Variants in FGF12 observed in about 807,000 individuals in gnomAD.
The protein encoded by FGF12 is fibroblast growth factor 12B.
Under a neutral mutation model 23.6 loss-of-function variants are expected in FGF12, and 14 were observed. The ratio of observed to expected loss-of-function variants is 0.59; its 90% CI spans 0.39 to 0.93. FGF12 has a LOEUF of 0.93. Ranked by LOEUF, FGF12 falls within the 40% of genes least tolerant of loss-of-function variation. The pLI, the probability that FGF12 is intolerant of heterozygous loss-of-function variation, is 0.00. For synonymous variants in FGF12, 62 were observed against 77.3 expected (o/e 0.80, Z 1.04); for missense variants, 175 against 217.8 (o/e 0.80, Z 1.24).
chr3:192,196,153 C>T (rs140339889), intron 4 of FGF12, among the ~76,000 whole-genome samples: 150 of 152,124 alleles, frequency 9.9e-4, no homozygotes, highest in Non-Finnish European at 1.8e-3. Context: ...AATATAATAT[C>T]CTCCAGTTTC....
At chr3:192,602,324 G>A (rs192975422) in intron 2 of FGF12, among the ~76,000 whole-genome samples, 38 of 152,178 alleles carry the variant, frequency 2.5e-4, no homozygotes, top group African/African-American at 8.7e-4. Flanking sequence ...TACTAAAGAG[G>A]ACAGATTACA....
chr3:192,475,328 G>A (rs73070230), intron 2 of FGF12, among the ~76,000 whole-genome samples: 38,881 of 151,976 alleles, frequency 0.26, 9,160 homozygotes, highest in African/African-American at 0.63. Flanking sequence ...CAGAGCTTCC[G>A]CCCATATCCA....
At chr3:192,440,037 G>A (rs1352455260) in intron 2 of FGF12, among the ~76,000 whole-genome samples, 2 of 151,388 alleles carry the variant, frequency 1.3e-5, no homozygotes, top group Non-Finnish European at 2.9e-5. Flanking sequence ...TATGGAAGAA[G>A]TAAATGTTGA....
intron 5 of FGF12, among the ~76,000 whole-genome samples, chr3:192,159,714 T>C (rs1030737321): frequency 1.3e-5 from 2 of 152,200 alleles, no homozygotes; most frequent in African/African-American, 2.4e-5. Flanking sequence ...CTTCAGTGAA[T>C]CTTTCGTAAT....
At chr3:192,474,897 A>AAAAAAG (rs60312309) in intron 2 of FGF12, among the ~76,000 whole-genome samples, 5,584 of 149,062 alleles carry the variant, frequency 0.037, 424 homozygotes, top group African/African-American at 0.13. Context: ...AAAAAAAAAA[A>AAAAAAG]AAAGAAAGAA....
At chr3:192,420,068 T>C (rs1490197900) in intron 2 of FGF12, among the ~76,000 whole-genome samples, 1 of 152,114 alleles carries the variant, frequency 6.6e-6, no homozygotes, top group African/African-American at 2.4e-5. Context: ...AAAACTACAG[T>C]GGATTCTATG....
intron 2 of FGF12, among the ~76,000 whole-genome samples, chr3:192,585,459 G>C (rs545850669): frequency 6.6e-6 from 1 of 152,214 alleles, no homozygotes; most frequent in South Asian, 2.1e-4. Context: ...GGCACAACCT[G>C]GTGGCAAGTT....
At chr3:192,662,133 G>A (rs963495833) in intron 2 of FGF12, among the ~76,000 whole-genome samples, 1 of 152,174 alleles carries the variant, frequency 6.6e-6, no homozygotes, top group Admixed American at 6.5e-5. Flanking sequence ...AAAAGGAAAG[G>A]TAAGAGAAAG....
chr3:192,620,673 A>G (rs1714940622), intron 2 of FGF12, among the ~76,000 whole-genome samples: 1 of 152,064 alleles, frequency 6.6e-6, no homozygotes, highest in African/African-American at 2.4e-5. Flanking sequence ...TATTTTCTTT[A>G]TGAGGTCTAT....
intron 4 of FGF12, among the ~76,000 whole-genome samples, chr3:192,236,943 A>T (rs1719332502): frequency 6.6e-6 from 1 of 152,024 alleles, no homozygotes; most frequent in Non-Finnish European, 1.5e-5. Flanking sequence ...GGCTATGTAC[A>T]TATGTGTGTT....
At chr3:192,301,403 G>A (rs994997693) in intron 4 of FGF12, among the ~76,000 whole-genome samples, 1 of 152,188 alleles carries the variant, frequency 6.6e-6, no homozygotes, top group East Asian at 1.9e-4. Context: ...CATCCAGTAA[G>A]TAAAAATGTA....
At chr3:192,616,183 T>C (rs1472266094) in intron 2 of FGF12, among the ~76,000 whole-genome samples, 1 of 152,092 alleles carries the variant, frequency 6.6e-6, no homozygotes, top group African/African-American at 2.4e-5. Context: ...ATTGGAATCA[T>C]TGGCAAAGAA....
intron 2 of FGF12, among the ~76,000 whole-genome samples, chr3:192,587,419 A>C (rs781425): frequency 0.22 from 33,948 of 151,778 alleles, 5,106 homozygotes; most frequent in East Asian, 0.34. Context: ...GAACAGCAGA[A>C]TATGGATATA....
chr3:192,655,859 AT>A (rs1300125827), intron 2 of FGF12, among the ~76,000 whole-genome samples: 1 of 151,960 alleles, frequency 6.6e-6, no homozygotes, highest in East Asian at 1.9e-4. Context: ...TGCAATAGAG[AT>A]GGGGGAATGG....
At chr3:192,261,578 G>A (rs138641425) in intron 4 of FGF12, among the ~76,000 whole-genome samples, 1 of 152,338 alleles carries the variant, frequency 6.6e-6, no homozygotes, top group African/African-American at 2.4e-5. Flanking sequence ...CTGTGGAGAT[G>A]TCATGGCTCC....
At chr3:192,305,295 T>C (rs1302888049) in intron 4 of FGF12, among the ~76,000 whole-genome samples, 2 of 152,172 alleles carry the variant, frequency 1.3e-5, no homozygotes, top group African/African-American at 4.8e-5. Flanking sequence ...AAAAATGGAA[T>C]TTTAACAGGC....
intron 2 of FGF12, among the ~76,000 whole-genome samples, chr3:192,365,799 G>A (rs559529334): frequency 7.2e-5 from 11 of 151,882 alleles, no homozygotes; most frequent in Non-Finnish European, 1.0e-4. Context: ...CGTTCCTGCC[G>A]GCTTGACAGT....
chr3:192,604,301 G>A (rs1235285280), intron 2 of FGF12, among the ~76,000 whole-genome samples: 1 of 152,124 alleles, frequency 6.6e-6, no homozygotes, highest in African/African-American at 2.4e-5. Context: ...TGGTCCTGAG[G>A]TGACGTACAT....
intron 4 of FGF12, among the ~76,000 whole-genome samples, chr3:192,190,595 C>T (rs1042456116): frequency 2.7e-5 from 4 of 150,902 alleles, no homozygotes; most frequent in Non-Finnish European, 4.4e-5. Context: ...CCTGCCTCAG[C>T]CTCCCGAGTA....
Sources: gnomAD v4.1 joint callset for allele counts (sites outside exome capture counted in the v4.1 genomes callset) on GRCh38, gnomAD v4.1.1 for gene constraint, MANE v1.5 for transcripts, NCBI Gene and HGNC (gene_info 2026-07-23, HGNC 2026-07-21) for gene names.